The following MRC1 variants were observed in gnomAD, a reference collection of about 807,000 sequenced individuals.
The protein encoded by MRC1 is macrophage mannose receptor 1.
In MRC1, 62 loss-of-function variants were observed where a neutral mutation model predicts 102.9. That is an observed-to-expected ratio of 0.60 (90% CI 0.49 to 0.74). MRC1 has a LOEUF of 0.74. Among genes scored for constraint, MRC1 ranks in the 30% least tolerant of loss-of-function variants. The pLI is 0.00. For missense variants in MRC1, 1,237 were observed against 862.8 expected, an observed-to-expected ratio of 1.43 and a Z score of -5.43; for synonymous variants, 457 against 298.4, an observed-to-expected ratio of 1.53 and a Z score of -5.48.
At chr10:17,895,210 T>C (rs1833738304) in intron 23 of MRC1, among the ~76,000 whole-genome samples, 1 of 151,908 alleles carries the variant, frequency 6.6e-6, no homozygotes, top group Admixed American at 6.6e-5. Context: ...TGAGACCCTT[T>C]GTCACAAAAA....
In MRC1 at chr10:17,849,726, T is replaced by C. The variant is rs1346226011; in HGVS notation, c.1211T>C (p.Ile404Thr). 7.7e-6 allele frequency: 6 copies of C among 780,814 alleles called. No individual in the cohort carries two copies. Among genetic ancestry groups the C allele is most frequent in the East Asian group, 4.9e-5 (2 of 41,236 alleles). The allele number at this position is 780,814 out of a possible 1,614,324, so 48.4% of individuals were successfully genotyped here. The change falls in exon 7 of 30, where the codon ATC becomes ACC. Residue 404 changes from isoleucine to threonine, a missense_variant. Transcript: ENST00000569591. ...GGTGACCTCACAAGTATCCACACCATCGAGGAATTGGACTTTATTATCTCC... is the reference window on the plus strand; with the variant it reads ...GGTGACCTCACAAGTATCCACACCACCGAGGAATTGGACTTTATTATCTCC... ...EGGDLTSIHT[I>T]EELDFIISQL...
In MRC1 at chr10:17,900,909, C is replaced by G. The variant is rs1460217002; in HGVS notation, c.3605C>G (p.Ala1202Gly). The G allele has an allele frequency of 7.6e-5, 59 of 780,558 alleles. No homozygotes were observed. The highest frequency in any genetic ancestry group is 1.2e-4 in the Non-Finnish European group (52 of 417,922). The allele number at this position is 780,558 out of a possible 1,614,324, so 48.4% of individuals were successfully genotyped here. ...YLDLDGYWKT[A>G]HCNESFYFLC... Reference sequence around the variant, plus strand: ...GATCTTGATGGCTACTGGAAGACAGCACATTGCAATGAAAGTTTTTACTTT... The same window carrying G: ...GATCTTGATGGCTACTGGAAGACAGGACATTGCAATGAAAGTTTTTACTTT... The change falls in exon 25 of 30, where the codon GCA (alanine) becomes GGA (glycine). Residue 1202 changes from alanine (A) to glycine (G), a missense_variant. Coordinates refer to ENST00000569591, the MANE Select transcript of MRC1 (RefSeq NM_002438.4).
At chr10:17,865,031 G>A (rs965064360) in intron 11 of MRC1, among the ~76,000 whole-genome samples, 3 of 151,950 alleles carry the variant, frequency 2.0e-5, no homozygotes, top group Non-Finnish European at 1.5e-5. Context: ...AAATAGTCTC[G>A]GAAAGATTCT....
intron 1 of MRC1, among the ~76,000 whole-genome samples, chr10:17,815,999 T>G (rs1170597653): frequency 1.3e-5 from 2 of 152,058 alleles, no homozygotes; most frequent in Non-Finnish European, 2.9e-5. Flanking sequence ...AATTTTTGTA[T>G]TTTTAGTAGA....
chr10:17,827,398 AAAAAAAAAAAAAGAAAT>A, intron 2 of MRC1, 127 bp from the exon 3 acceptor site: 2 of 319,820 alleles, frequency 6.3e-6, no homozygotes, highest in Non-Finnish European at 5.8e-6. Context: ...AAAAAAAAAA[AAAAAAAAAAAAAGAAAT>A]CCCTCTGTGG....
intron 26 of MRC1, 117 bp downstream of exon 26, chr10:17,902,239 A>C: frequency 1.5e-6 from 1 of 648,442 alleles, no homozygotes; most frequent in East Asian, 2.6e-5. Flanking sequence ...TTAATGATTT[A>C]TTTTATAACA....
rs1227719480 is a variant in MRC1 at position 17,911,043 on chromosome 10, C to A, written c.*578C>A. ...ACAGGCTGAGTGTTGCAAATGTGTTCTTTGTCCTGTTATATGTATATCAGG... is the reference window on the plus strand; with the variant it reads ...ACAGGCTGAGTGTTGCAAATGTGTTATTTGTCCTGTTATATGTATATCAGG... On this transcript the variant is annotated 3_prime_UTR_variant, in exon 30 of 30. Coordinates refer to ENST00000569591, the MANE Select transcript of MRC1 (RefSeq NM_002438.4). 2.5e-5 allele frequency: 4 copies of A among 161,824 alleles called. No homozygotes were observed. The highest frequency in any genetic ancestry group is 9.6e-5 in the African/African-American group (4 of 41,454). 10.0% of individuals were successfully genotyped at this position (161,824 alleles called of 1,614,324 possible). A position where few individuals can be genotyped will look rare whatever the true frequency, so the allele number is the denominator to read the frequency against.
intron 4 of MRC1, 68 bp downstream of exon 4, chr10:17,833,907 C>T (rs1186193055): frequency 3.9e-6 from 3 of 765,952 alleles, no homozygotes; most frequent in Admixed American, 1.8e-5. Flanking sequence ...ACTTAGAAGT[C>T]AACAGCACAA....
At chr10:17,834,210 A>G (rs895867222) in intron 4 of MRC1, among the ~76,000 whole-genome samples, 4 of 152,206 alleles carry the variant, frequency 2.6e-5, no homozygotes, top group East Asian at 1.9e-4. Context: ...CAGGTCTTTC[A>G]TTAGCCTCAT....
Position 17,867,690 on chromosome 10 carries a change from G to A in MRC1, c.1983+929G>A, listed in dbSNP as rs990475409. The stretch of plus-strand genomic sequence containing the variant: ...CTCCCACATAGACTCCAAAAGCTCT[G>A]GAATTATAGGCATGAGCCAGTGCAC... On this transcript the variant is annotated intron_variant, in intron 12 of 29. Transcript: ENST00000569591. Among the ~76,000 whole-genome samples the A allele has an allele frequency of 4.6e-5, 7 of 152,088 alleles. No individual in the cohort carries two copies. The South Asian group carries it at 1.5e-3, about 32-fold the overall frequency.
At chr10:17,843,557 CA>C (rs1838781049) in intron 5 of MRC1, among the ~76,000 whole-genome samples, 1 of 151,930 alleles carries the variant, frequency 6.6e-6, no homozygotes, top group Non-Finnish European at 1.5e-5. Context: ...CCCAGCTACT[CA>C]GGAGGCTGAG....
rs1026540677 is a variant in MRC1, at chr10:17,809,514, G to A, written c.49G>A (p.Val17Ile). The A allele has an allele frequency of 5.1e-4, 445 of 872,792 alleles. 2 individuals carry two copies. The East Asian group carries it at 9.6e-3, about 19-fold the overall frequency. 54.1% of individuals were successfully genotyped at this position (872,792 alleles called of 1,614,324 possible). ...TTTTGCCTCTGTCATTCCGGGTGCT[G>A]TTCTCCTACTGGGTAAGTCTGCTCT... ...LVFASVIPGA[V>I]LLLDTRQFLI... The change falls in exon 1 of 30, where the codon GTT (valine) becomes ATT (isoleucine). Residue 17 changes from valine to isoleucine, a missense_variant. Physicochemically the swap from Val to Ile is conservative, Grantham distance 29 (BLOSUM62 3). Coordinates refer to ENST00000569591, the MANE Select transcript of MRC1 (RefSeq NM_002438.4).
At chr10:17,816,545 C>T (rs1256742960) in intron 1 of MRC1, among the ~76,000 whole-genome samples, 3 of 152,152 alleles carry the variant, frequency 2.0e-5, no homozygotes, top group African/African-American at 4.8e-5. Flanking sequence ...ACAGGGCATT[C>T]GTTTTCTGAC....
At chr10:17,905,720 T>G (rs1474512605) in intron 26 of MRC1, among the ~76,000 whole-genome samples, 3 of 152,128 alleles carry the variant, frequency 2.0e-5, no homozygotes, top group Non-Finnish European at 4.4e-5. Flanking sequence ...AATTCAGAAC[T>G]CAGTAATATG....
At position 17,813,682 on chromosome 10, in the gene MRC1, T is replaced by TTATATATATA. The variant is rs1160018461; in HGVS notation, c.61+4166_61+4175dup. Among the ~76,000 whole-genome samples, 10 of 124,040 alleles carry TTATATATATA rather than the reference T, an allele frequency of 8.1e-5. No homozygotes were observed. In the South Asian group the frequency reaches 1.4e-3, roughly 18 times the overall value. 81.4% of individuals were successfully genotyped at this position (124,040 alleles called of 152,430 possible). On this transcript the variant is annotated intron_variant, in intron 1 of 29. Coordinates refer to ENST00000569591, the MANE Select transcript of MRC1 (RefSeq NM_002438.4). ...ATATATACACACACACACACACACATTATATATATATATATATATTTTTTT... is the reference window on the plus strand; with the variant it reads ...ATATATACACACACACACACACACATTATATATATATATATATATATATATATATTTTTTT...
At chr10:17,868,015 A>G (rs1833301471) in intron 12 of MRC1, among the ~76,000 whole-genome samples, 2 of 152,156 alleles carry the variant, frequency 1.3e-5, no homozygotes, top group African/African-American at 4.8e-5. Context: ...TAGGCCATTC[A>G]TTTTCTCCTT....
At position 17,879,645 on chromosome 10, in the gene MRC1, G is replaced by A. The variant is rs566096937; in HGVS notation, c.2619-76G>A. The A allele has an allele frequency of 5.8e-3, 4,497 of 780,600 alleles. 45 individuals are homozygous for A. Among genetic ancestry groups the A allele is most frequent in the South Asian group, 0.016 (1,189 of 74,554 alleles). The allele number at this position is 780,600 out of a possible 1,614,324, so 48.4% of individuals were successfully genotyped here. On this transcript the variant is annotated intron_variant, in intron 18 of 29. Transcript: ENST00000569591. ...CCCATGGTGCTGGGATTACAGGCGT[G>A]AGCCACTGCTCCTGGCCTGTATCCA...
intron 23 of MRC1, among the ~76,000 whole-genome samples, chr10:17,894,804 T>G (rs1258615799): frequency 6.6e-6 from 1 of 152,172 alleles, no homozygotes; most frequent in East Asian, 1.9e-4. Flanking sequence ...GCTGCACTTA[T>G]CAACCTATCA....
chr10:17,885,127 G>T, intron 21 of MRC1, 142 bp from the exon 22 acceptor site: 10 of 698,970 alleles, frequency 1.4e-5, no homozygotes, highest in South Asian at 3.4e-5. Flanking sequence ...TAGAATGTTT[G>T]TGTGTTCATG....
Sources: gnomAD v4.1 joint callset for allele counts (sites outside exome capture counted in the v4.1 genomes callset) on GRCh38, gnomAD v4.1.1 for gene constraint, MANE v1.5 for transcripts, NCBI Gene and HGNC (gene_info 2026-07-23, HGNC 2026-07-21) for gene names.